The following CPT1C variants were observed in gnomAD, a reference collection of about 807,000 sequenced individuals.
The protein encoded by CPT1C is carnitine palmitoyltransferase 1C, also known as palmitoyl thioesterase CPT1C.
A neutral mutation model predicts 97.3 loss-of-function variants in CPT1C; 61 were observed. The observed-to-expected ratio is 0.63, with a 90% CI of 0.51 to 0.78. The LOEUF (loss-of-function observed/expected upper bound fraction) is 0.78, where lower values mean the gene tolerates loss of function less well. Ranked by LOEUF, CPT1C falls within the 30% of genes least tolerant of loss-of-function variation. The pLI is 0.00. For synonymous variants in CPT1C, 469 were observed against 447.2 expected, an observed-to-expected ratio of 1.05 and a Z score of -0.61; for missense variants, 975 against 1,065.5, an observed-to-expected ratio of 0.92 and a Z score of 1.18.
chr19:49,713,373 G>T (rs746480621), intron 19 of CPT1C, 47 bp from the exon 20 acceptor site: 1 of 1,534,150 alleles, frequency 6.5e-7, no homozygotes, highest in Admixed American at 1.9e-5. Context: ...CAGCCTCCAG[G>T]ATCCCATCTC....
rs2083729746 is a variant in CPT1C at position 49,709,693 on chromosome 19, T to G, written c.1567-627T>G. On this transcript the variant is annotated intron_variant, in intron 14 of 19. Transcript: ENST00000598293. ...CCTCAGCCTCCTGAGGAGCTGGGAT[T>G]ACAGGTGCCCACTACCACACCCGGC... is the stretch of plus-strand genomic sequence containing the variant. Among the ~76,000 whole-genome samples the G allele has an allele frequency of 5.9e-5, 9 of 151,964 alleles. 1 individual carries two copies. The South Asian group carries it at 1.9e-3, about 32-fold the overall frequency.
In CPT1C at chr19:49,704,572, T is replaced by A. The variant is rs561348933; in HGVS notation, c.694-138T>A. 1.0e-5 allele frequency: 7 copies of A among 666,786 alleles called. No individual in the cohort carries two copies. In the Admixed American group the frequency reaches 1.7e-4, roughly 16 times the overall value. 41.3% of individuals were successfully genotyped at this position (666,786 alleles called of 1,614,324 possible). ...GGATGGATTTCTAGGTGATCGCTAG[T>A]TACTGACTACGATGGCTGACTTCTT... is the stretch of plus-strand genomic sequence containing the variant. On this transcript the variant is annotated intron_variant, in intron 7 of 19. Coordinates refer to ENST00000598293, the MANE Select transcript of CPT1C (RefSeq NM_001199753.2).
intron 14 of CPT1C, among the ~76,000 whole-genome samples, chr19:49,709,909 C>T (rs1263399622): frequency 6.7e-6 from 1 of 150,144 alleles, no homozygotes; most frequent in Non-Finnish European, 1.5e-5. Context: ...TGCAGTGGTG[C>T]GATCTCAGCT....
rs753427726 is a variant in CPT1C, at chr19:49,705,063, C to T, written c.828C>T (p.Val276=). 12 of 1,613,254 alleles carry T rather than the reference C, an allele frequency of 7.4e-6. No individual in the cohort carries two copies. The highest frequency in any genetic ancestry group is 1.0e-5 in the Non-Finnish European group (12 of 1,179,578). Residue 276 remains valine, a synonymous_variant, in exon 9 of 20, where the codon GTC becomes GTT. Transcript: ENST00000598293. Reference sequence around the variant, plus strand: ...AGGCAGCTCGCGCTGGGAATGCCGTCCATGCCCTCCTCCTGTACCGCCACC... The same window carrying T: ...AGGCAGCTCGCGCTGGGAATGCCGTTCATGCCCTCCTCCTGTACCGCCACC... ...PLQAARAGNA[V]HALLLYRHRL... is the part of the protein sequence containing the mutation.
chr19:49,692,035 C>T, intron 2 of CPT1C, 146 bp downstream of exon 2: 1 of 532,100 alleles, frequency 1.9e-6, no homozygotes, highest in Non-Finnish European at 3.3e-6. Context: ...GCCTGGACTC[C>T]TGGATCTGAG....
At chr19:49,703,082 CA>C (rs2083276935) in intron 7 of CPT1C, among the ~76,000 whole-genome samples, 1 of 151,656 alleles carries the variant, frequency 6.6e-6, no homozygotes, top group African/African-American at 2.4e-5. Context: ...CACACACACA[CA>C]CACACACACA....
rs767136167 is a variant in CPT1C, at chr19:49,711,829, G to C, written c.1887G>C (p.Leu629=). The C allele has an allele frequency of 6.2e-7, 1 of 1,613,260 alleles. No individual in the cohort carries two copies. The highest frequency in any genetic ancestry group is 8.5e-7 in the Non-Finnish European group (1 of 1,179,954). Residue 629 remains leucine (L), a synonymous_variant, in exon 17 of 20, where the codon CTG becomes CTC. Coordinates refer to ENST00000598293, the MANE Select transcript of CPT1C (RefSeq NM_001199753.2). ...KEKTDPQCLA[L]FRVAVDKHQA... ...TGCAGGACCCACAGTGCCTCGCCCTGTTCCGCGTGGCAGTGGACAAGCACC... is the reference window on the plus strand; with the variant it reads ...TGCAGGACCCACAGTGCCTCGCCCTCTTCCGCGTGGCAGTGGACAAGCACC...
intron 13 of CPT1C, among the ~76,000 whole-genome samples, chr19:49,708,002 CAAAAAAAAA>C (rs60276067): frequency 1.8e-5 from 1 of 56,788 alleles, no homozygotes; most frequent in South Asian, 6.4e-4. Flanking sequence ...GAATACATCT[CAAAAAAAAA>C]AAAAAAAAAA....
upstream of CPT1C, chr19:49,690,716 G>A: frequency 2.0e-6 from 1 of 493,882 alleles, no homozygotes; most frequent in Non-Finnish European, 3.5e-6. This position sits in a 1 kb window ranked among gnomAD's most constrained non-coding sequence, Gnocchi z 4.4. Flanking sequence ...CGCCTTTCTT[G>A]CCAACTCAAT....
At position 49,706,841 on chromosome 19, in the gene CPT1C, T is replaced by C. The variant is rs376057171; in HGVS notation, c.1343+428T>C. Among the ~76,000 whole-genome samples, 2 of 152,066 alleles carry C rather than the reference T, an allele frequency of 1.3e-5. No homozygotes were observed. Among genetic ancestry groups the C allele is most frequent in the South Asian group, 4.2e-4 (2 of 4,812 alleles). On this transcript the variant is annotated intron_variant, in intron 12 of 19. Transcript: ENST00000598293. This position sits in a 1 kb window ranked among gnomAD's most constrained non-coding sequence, Gnocchi z 4.8. ...CCTTAATGCAGGCACCCCAAATCCA[T>C]GGCCCTAGACCCAGACTTCCAGACC...
At chr19:49,697,147 T>A (rs2082717188) in intron 3 of CPT1C, among the ~76,000 whole-genome samples, 179 bp from the exon 4 acceptor site, 1 of 152,232 alleles carries the variant, frequency 6.6e-6, no homozygotes, top group East Asian at 1.9e-4. Flanking sequence ...AATTAATACT[T>A]ACTTCATTCT....
At chr19:49,703,591 C>CCCTCCCTCCCTCCCTT (rs2083329235) in intron 7 of CPT1C, among the ~76,000 whole-genome samples, 2 of 68,352 alleles carry the variant, frequency 2.9e-5, no homozygotes, top group African/African-American at 1.3e-4. Flanking sequence ...CTCCCTCCCT[C>CCCTCCCTCCCTCCCTT]CCTCCCTTCC....
At chr19:49,694,879 G>T (rs1449043460) in intron 3 of CPT1C, among the ~76,000 whole-genome samples, 1 of 152,110 alleles carries the variant, frequency 6.6e-6, no homozygotes, top group East Asian at 1.9e-4. Flanking sequence ...GGTGGCTCAC[G>T]CCTCTAATCC....
intron 16 of CPT1C, 113 bp downstream of exon 16, chr19:49,710,970 G>T: frequency 8.8e-7 from 1 of 1,132,060 alleles, no homozygotes; most frequent in Non-Finnish European, 1.2e-6. Flanking sequence ...CAAGGGACAA[G>T]GGATGAATCG....
At chr19:49,697,680 G>C (rs1449145608) in intron 4 of CPT1C, 1 of 494,286 alleles carries the variant, frequency 2.0e-6, no homozygotes, top group Admixed American at 3.8e-5. Context: ...GGGAGGCTGA[G>C]GTGGGTGTAT....
rs181509571 is a variant in CPT1C, at chr19:49,705,470, G to C, written c.964+172G>C. Reference sequence around the variant, plus strand: ...CTTCCACTAAAGTGGGATAATAATTGTACCTAGGGGCTGGGCGCAGTGACT... The same window carrying C: ...CTTCCACTAAAGTGGGATAATAATTCTACCTAGGGGCTGGGCGCAGTGACT... On this transcript the variant is annotated intron_variant, in intron 10 of 19. Coordinates refer to ENST00000598293, the MANE Select transcript of CPT1C (RefSeq NM_001199753.2). 2.0e-5 allele frequency among the ~76,000 whole-genome samples: 3 copies of C among 152,206 alleles called. No individual in the cohort carries two copies. In the East Asian group the frequency reaches 5.8e-4, roughly 29 times the overall value.
Position 49,704,305 on chromosome 19 carries a change from G to A in CPT1C, c.694-405G>A, listed in dbSNP as rs536684632. Among the ~76,000 whole-genome samples the A allele has an allele frequency of 2.9e-4, 44 of 152,212 alleles. No homozygotes were observed. In the East Asian group the frequency reaches 7.5e-3, roughly 26 times the overall value. ...TCCTGCCTCAGGCTACCGAGTAGCC[G>A]GGATTACAGGCGTGCACCACCACGT... On this transcript the variant is annotated intron_variant, in intron 7 of 19. Coordinates refer to ENST00000598293, the MANE Select transcript of CPT1C (RefSeq NM_001199753.2).
chr19:49,701,480 C>T lies in CPT1C; in HGVS notation c.556-17C>T. 6.3e-7 allele frequency: 1 copy of T among 1,598,064 alleles called. No homozygotes were observed. The highest frequency in any genetic ancestry group is 8.6e-7 in the Non-Finnish European group (1 of 1,168,266). On this transcript the variant is annotated splice_polypyrimidine_tract_variant and intron_variant, in intron 6 of 19. Transcript: ENST00000598293. ...GGGGCGGGCCGGGGGCGTGACCTGC[C>T]CTCTTCTCCCCTTTAGTACCTGGAG... is the stretch of plus-strand genomic sequence containing the variant.
rs1355370377 is a variant in CPT1C at position 49,704,791 on chromosome 19, A to T, written c.771+4A>T. 2 of 1,613,612 alleles carry T rather than the reference A, an allele frequency of 1.2e-6. No homozygotes were observed. The highest frequency in any genetic ancestry group is 1.7e-6 in the Non-Finnish European group (2 of 1,179,752). ...GAACAGCAACTATTACATGATGGTGAGAAGGGGAGGGGTGAGGTTCATAGG... is the reference window on the plus strand; with the variant it reads ...GAACAGCAACTATTACATGATGGTGTGAAGGGGAGGGGTGAGGTTCATAGG... On this transcript the variant is annotated splice_donor_region_variant and intron_variant, in intron 8 of 19. Transcript: ENST00000598293.
Sources: gnomAD v4.1 joint callset for allele counts (sites outside exome capture counted in the v4.1 genomes callset) on GRCh38, gnomAD v4.1.1 for gene constraint, Gnocchi (gnomAD v3.1) non-coding constraint, MANE v1.5 for transcripts, NCBI Gene and HGNC (gene_info 2026-07-23, HGNC 2026-07-21) for gene names.